The following MINK1 variants were observed in gnomAD, a reference collection of about 807,000 sequenced individuals.
The protein encoded by MINK1 is misshapen-like kinase 1.
MINK1 carries 46 observed loss-of-function variants against 178.4 expected under a neutral mutation model. The observed-to-expected ratio is 0.26, with a 90% CI of 0.20 to 0.33. The LOEUF (loss-of-function observed/expected upper bound fraction) is 0.33. MINK1 is among the 10% of genes least tolerant of loss of function. The probability of loss-of-function intolerance (pLI) is 1.00; values close to 1 mark genes in which losing one functional copy is unlikely to be tolerated. For missense variants in MINK1, 1,366 were observed against 1,814.9 expected, an observed-to-expected ratio of 0.75 and a Z score of 4.49; for synonymous variants, 797 against 709.7, an observed-to-expected ratio of 1.12 and a Z score of -1.96.
At position 4,894,503 on chromosome 17, in the gene MINK1, G is replaced by A. The variant is rs755839084; in HGVS notation, c.2809-22G>A. ...CAGCTGGACTTGCACTTGTTTGCCTGACTGCTGTCCCCCTACCACAGTACC... is the reference window on the plus strand; with the variant it reads ...CAGCTGGACTTGCACTTGTTTGCCTAACTGCTGTCCCCCTACCACAGTACC... On this transcript the variant is annotated intron_variant, in intron 23 of 31. Transcript: ENST00000355280. The surrounding 1 kb of genome is among the most constrained non-coding windows in gnomAD (Gnocchi z 4.1). 2.5e-6 allele frequency: 4 copies of A among 1,570,322 alleles called. No individual in the cohort carries two copies. Among genetic ancestry groups the A allele is most frequent in the Non-Finnish European group, 3.5e-6 (4 of 1,155,678 alleles).
intron 1 of MINK1, among the ~76,000 whole-genome samples, chr17:4,863,177 T>C (rs1914442349): frequency 6.6e-6 from 1 of 152,232 alleles, no homozygotes; most frequent in Non-Finnish European, 1.5e-5. Context: ...AGGGTGGTTC[T>C]GGGTTAATGG....
Position 4,897,690 on chromosome 17 carries a change from T to G in MINK1, c.*403T>G. Reference sequence around the variant, plus strand: ...GGGGAGCCGGCTCCCCCCTTGAATGTACCAGACCCTGGGGGGGGTCACTGG... The same window carrying G: ...GGGGAGCCGGCTCCCCCCTTGAATGGACCAGACCCTGGGGGGGGTCACTGG... On this transcript the variant is annotated 3_prime_UTR_variant, in exon 32 of 32. Coordinates refer to ENST00000355280, the MANE Select transcript of MINK1 (RefSeq NM_153827.5). 1 of 158,114 alleles carries G rather than the reference T, an allele frequency of 6.3e-6. No homozygotes were observed. The highest frequency in any genetic ancestry group is 1.4e-5 in the Non-Finnish European group (1 of 71,834). The allele number at this position is 158,114 out of a possible 1,614,324, so 9.8% of individuals were successfully genotyped here. A position where few individuals can be genotyped will look rare whatever the true frequency, so the allele number is the denominator to read the frequency against.
rs768561490 is a variant in MINK1 at position 4,896,872 on chromosome 17, CT to C, written c.3915+60del. ...TCCCGGCTGCCATGACCCTAGGCCCCTGGGCAGAGTTCTGGGGAGAGGATGG... is the reference window on the plus strand; with the variant it reads ...TCCCGGCTGCCATGACCCTAGGCCCCGGGCAGAGTTCTGGGGAGAGGATGG... On this transcript the variant is annotated intron_variant, in intron 31 of 31. Coordinates refer to ENST00000355280, the MANE Select transcript of MINK1 (RefSeq NM_153827.5). The surrounding 1 kb of genome is among the most constrained non-coding windows in gnomAD (Gnocchi z 4.6). 7.8e-5 allele frequency: 118 copies of C among 1,509,034 alleles called. No homozygotes were observed. The highest frequency in any genetic ancestry group is 5.6e-4 in the Admixed American group (24 of 43,070). The allele number at this position is 1,509,034 out of a possible 1,614,324, so 93.5% of individuals were successfully genotyped here. A position where few individuals can be genotyped will look rare whatever the true frequency, so the allele number is the denominator to read the frequency against.
chr17:4,851,900 T>TTGAATCG (rs1912024470), intron 1 of MINK1, among the ~76,000 whole-genome samples: 1 of 146,356 alleles, frequency 6.8e-6, no homozygotes, highest in African/African-American at 2.6e-5. Context: ...CTTGGGAGGC[T>TTGAATCG]GGGACAGGAG....
At position 4,896,869 on chromosome 17, in the gene MINK1, C is replaced by T. The variant is rs765663156; in HGVS notation, c.3915+56C>T. ...CTGTCCCGGCTGCCATGACCCTAGG[C>T]CCCTGGGCAGAGTTCTGGGGAGAGG... On this transcript the variant is annotated intron_variant, in intron 31 of 31. Coordinates refer to ENST00000355280, the MANE Select transcript of MINK1 (RefSeq NM_153827.5). The surrounding 1 kb of genome is among the most constrained non-coding windows in gnomAD (Gnocchi z 4.6). 2 of 1,511,858 alleles carry T rather than the reference C, an allele frequency of 1.3e-6. No individual in the cohort carries two copies. The highest frequency in any genetic ancestry group is 1.8e-6 in the Non-Finnish European group (2 of 1,132,672). 93.7% of individuals were successfully genotyped at this position (1,511,858 alleles called of 1,614,324 possible).
intron 1 of MINK1, among the ~76,000 whole-genome samples, chr17:4,860,104 C>T (rs1913924338): frequency 6.6e-6 from 1 of 152,006 alleles, no homozygotes; most frequent in Non-Finnish European, 1.5e-5. Context: ...GAGCGGGGTA[C>T]AGAGGGAAGG....
Position 4,892,975 on chromosome 17 carries a change from C to CCAAACCAGA in MINK1, c.2312-2_2312-1insAACCAGACA. ...CAGTGACCTTCTTCCACCCTGCCGT[C>CCAAACCAGA]CAGTCTCCTCCAAACCGGACAGCTC... On this transcript the variant is annotated splice_region_variant and splice_polypyrimidine_tract_variant and intron_variant, in intron 19 of 31. Coordinates refer to ENST00000355280, the MANE Select transcript of MINK1 (RefSeq NM_153827.5). 6.4e-7 allele frequency: 1 copy of CCAAACCAGA among 1,563,370 alleles called. No individual in the cohort carries two copies.
intron 16 of MINK1, 105 bp from the exon 17 acceptor site, chr17:4,892,044 C>G (rs1345207482): frequency 2.1e-6 from 2 of 950,456 alleles, no homozygotes; most frequent in Non-Finnish European, 3.2e-6. Flanking sequence ...CCTCAGTTTT[C>G]TCATCCATCA....
intron 1 of MINK1, chr17:4,844,607 G>A: frequency 2.0e-6 from 1 of 504,512 alleles, no homozygotes; most frequent in South Asian, 1.5e-5. Context: ...GTTGGCACTG[G>A]GGAGCACATG....
In MINK1 at chr17:4,836,345, C is replaced by G. The variant is rs1909307563; in HGVS notation, c.57+2705C>G. Among the ~76,000 whole-genome samples the G allele has an allele frequency of 6.6e-6, 1 of 152,198 alleles. No individual in the cohort carries two copies. The highest frequency in any genetic ancestry group is 6.6e-5 in the Admixed American group (1 of 15,258). On this transcript the variant is annotated intron_variant, in intron 1 of 31. Transcript: ENST00000355280. The surrounding 1 kb of genome is among the most constrained non-coding windows in gnomAD (Gnocchi z 4.3). ...TTAGGGAAGATTGAATTGCGTTAAT[C>G]TCTTAGCCATGTGTGGGGAGGCCAG...
chr17:4,856,558 C>G (rs1489995956), intron 1 of MINK1, among the ~76,000 whole-genome samples: 1 of 152,132 alleles, frequency 6.6e-6, no homozygotes. Flanking sequence ...CAATGGGAAC[C>G]TCCATGACGT....
chr17:4,857,678 G>A (rs185421258), intron 1 of MINK1, among the ~76,000 whole-genome samples: 2 of 152,038 alleles, frequency 1.3e-5, no homozygotes, highest in African/African-American at 2.4e-5. Flanking sequence ...ATGTTGCCCC[G>A]TATGGTCTCA....
chr17:4,874,389 G>C (rs947758135), intron 1 of MINK1, among the ~76,000 whole-genome samples: 2 of 152,224 alleles, frequency 1.3e-5, no homozygotes, highest in African/African-American at 4.8e-5. Flanking sequence ...TTAAATGTCA[G>C]GCTGAGGTGT....
At chr17:4,893,857 A>G in intron 21 of MINK1, 131 bp from the exon 22 acceptor site, 2 of 866,224 alleles carry the variant, frequency 2.3e-6, no homozygotes, top group Non-Finnish European at 3.5e-6. Context: ...AGCAGGGGCT[A>G]CACCGTGAGG....
At chr17:4,897,126 C>A in intron 31 of MINK1, 78 bp from the exon 32 acceptor site, 1 of 1,231,184 alleles carries the variant, frequency 8.1e-7, no homozygotes, top group South Asian at 1.3e-5. Context: ...GCCACCCCTT[C>A]TTCCCTTCTT....
intron 1 of MINK1, among the ~76,000 whole-genome samples, chr17:4,853,510 G>A (rs922701024): frequency 1.4e-4 from 21 of 151,556 alleles, no homozygotes; most frequent in African/African-American, 4.1e-4. Context: ...GTGTGCCATC[G>A]GAAGGCTATG....
Position 4,893,589 on chromosome 17 carries a change from TG to T in MINK1, c.2561del (p.Gly854AlafsTer90). On this transcript the variant is annotated frameshift_variant, in exon 21 of 32. Coordinates refer to ENST00000355280, the MANE Select transcript of MINK1 (RefSeq NM_153827.5). LOFTEE classifies it high-confidence loss of function. ...CAGCAGAGGGGAGCAGAGATACCCC[TG>T]GGGGCCGGTACGGCATCGGGAGTGG... ...GPAEGSRDTPGGRSDGDTDSV... is the reference protein window; with the variant it reads ...GPAEGSRDTPXGRSDGDTDSV... 1 of 1,539,388 alleles carries T rather than the reference TG, an allele frequency of 6.5e-7. No individual in the cohort carries two copies.
chr17:4,864,181 C>T (rs570518826), intron 1 of MINK1, among the ~76,000 whole-genome samples: 125 of 151,048 alleles, frequency 8.3e-4, no homozygotes, highest in Non-Finnish European at 1.3e-3. Context: ...GGGTGGATCA[C>T]CTGAGGTCGG....
rs1164410561 is a variant in MINK1 at position 4,891,580 on chromosome 17, C to T, written c.1865C>T (p.Ala622Val). 4 of 1,605,846 alleles carry T rather than the reference C, an allele frequency of 2.5e-6. No homozygotes were observed. The highest frequency in any genetic ancestry group is 1.6e-4 in the Middle Eastern group (1 of 6,076). The change falls in exon 16 of 32, where the codon GCC (alanine) becomes GTC (valine). Residue 622 changes from alanine (A) to valine (V), a missense_variant. Physicochemically the swap from Ala to Val is moderately conservative, Grantham distance 64. Transcript: ENST00000355280. Reference protein sequence around the residue: ...AFPASHDPDPAIPAPTATPSA... With the variant: ...AFPASHDPDPVIPAPTATPSA... The stretch of plus-strand genomic sequence containing the variant: ...CCAGCCTCCCATGACCCCGACCCTG[C>T]CATCCCCGCACCCACTGCCACGCCC...
Sources: gnomAD v4.1 joint callset for allele counts (sites outside exome capture counted in the v4.1 genomes callset) on GRCh38, gnomAD v4.1.1 for gene constraint, Gnocchi (gnomAD v3.1) non-coding constraint, MANE v1.5 for transcripts, NCBI Gene and HGNC (gene_info 2026-07-23, HGNC 2026-07-21) for gene names.